GLIS3: variants seen among roughly 807,000 people sequenced by gnomAD.
The protein encoded by GLIS3 is zinc finger protein GLIS3.
GLIS3 carries 53 observed loss-of-function variants against 78.6 expected under a neutral mutation model. The ratio of observed to expected loss-of-function variants is 0.67; its 90% confidence interval spans 0.54 to 0.85. The LOEUF (loss-of-function observed/expected upper bound fraction) is 0.85. Ranked by LOEUF, GLIS3 falls within the 40% of genes least tolerant of loss-of-function variation. The pLI, the probability that GLIS3 is intolerant of heterozygous loss-of-function variation, is 0.00. For missense variants in GLIS3, 1,703 were observed against 1,231.1 expected (o/e 1.38, Z -5.74); for synonymous variants, 684 against 509.9 (o/e 1.34, Z -4.60).
At chr9:4,444,012 G>A in the GLIS3 span, among the ~76,000 whole-genome samples, 2 of 152,174 alleles carry the variant, frequency 1.3e-5, no homozygotes, top group Non-Finnish European at 2.9e-5. Context: ...TGTGTAATGT[G>A]TTGATGATTC....
At chr9:4,381,836 C>G in the GLIS3 span, among the ~76,000 whole-genome samples, 1 of 152,190 alleles carries the variant, frequency 6.6e-6, no homozygotes, top group Admixed American at 6.5e-5. Context: ...TTCTTATACT[C>G]TCTTTGTTTC....
At chr9:4,204,237 A>G (rs537356569) in intron 2 of GLIS3, among the ~76,000 whole-genome samples, 1 of 152,228 alleles carries the variant, frequency 6.6e-6, no homozygotes, top group African/African-American at 2.4e-5. Context: ...ATTGAAGATA[A>G]TATGTAAAAA....
At position 3,898,683 on chromosome 9, in the gene GLIS3, G is replaced by C; in HGVS notation, c.2128+8C>G. 1.2e-6 allele frequency: 2 copies of C among 1,614,090 alleles called. No homozygotes were observed. Among genetic ancestry groups the C allele is most frequent in the Non-Finnish European group, 1.7e-6 (2 of 1,180,016 alleles). On this transcript the variant is annotated splice_region_variant and intron_variant, in intron 7 of 10. Transcript: ENST00000381971. ...AGTTGTGGTTGGCTCTGCCTTTGCT[G>C]TCTTTACCTGAATAGAGGTCAGGCC...
chr9:4,060,048 C>T (rs1185292991), intron 4 of GLIS3, among the ~76,000 whole-genome samples: 2 of 152,020 alleles, frequency 1.3e-5, no homozygotes, highest in African/African-American at 2.4e-5. Context: ...TCCTGGAACC[C>T]AAGGTTCCTG....
intron 4 of GLIS3, among the ~76,000 whole-genome samples, chr9:3,978,527 T>A (rs1204301911): frequency 1.3e-5 from 2 of 152,136 alleles, no homozygotes; most frequent in Non-Finnish European, 2.9e-5. Context: ...AATTATATAC[T>A]ATTGCATTGT....
chr9:3,994,051 C>T (rs1398030163), intron 4 of GLIS3, among the ~76,000 whole-genome samples: 1 of 152,196 alleles, frequency 6.6e-6, no homozygotes, highest in Admixed American at 6.5e-5. Flanking sequence ...AGTTTGCTGA[C>T]TGAGAAGGTC....
At chr9:3,841,047 C>G (rs922366802) in intron 9 of GLIS3, among the ~76,000 whole-genome samples, 1 of 151,986 alleles carries the variant, frequency 6.6e-6, no homozygotes, top group Non-Finnish European at 1.5e-5. Context: ...TGGCTAAAAG[C>G]GACAATAGGG....
chr9:4,432,256 T>A, the GLIS3 span, among the ~76,000 whole-genome samples: 5 of 152,348 alleles, frequency 3.3e-5, no homozygotes, highest in South Asian at 1.0e-3. Flanking sequence ...CATTTTTAAA[T>A]GATAAAGTAC....
At chr9:4,037,547 A>AACACACACACACACACACACACAC (rs56254712) in intron 4 of GLIS3, among the ~76,000 whole-genome samples, 46 of 147,484 alleles carry the variant, frequency 3.1e-4, no homozygotes, top group African/African-American at 1.1e-3. Flanking sequence ...GTGTGCACAC[A>AACACACACACACACACACACACAC]ACACACACAC....
chr9:4,024,625 G>A lies in GLIS3; in HGVS notation c.1711-87436C>T, dbSNP rs572259784. Among the ~76,000 whole-genome samples, 7 of 152,292 alleles carry A rather than the reference G, an allele frequency of 4.6e-5. No individual in the cohort carries two copies. The South Asian group carries it at 1.5e-3, about 32-fold the overall frequency. ...TAGATAGGTTGCCTCGCATAACATAGGGAGTGCATGGGAGGAGGTCTGCTC... is the reference window on the plus strand; with the variant it reads ...TAGATAGGTTGCCTCGCATAACATAAGGAGTGCATGGGAGGAGGTCTGCTC... On this transcript the variant is annotated intron_variant, in intron 4 of 10. Transcript: ENST00000381971.
intron 4 of GLIS3, among the ~76,000 whole-genome samples, chr9:3,994,323 G>A (rs369119187): frequency 3.2e-4 from 49 of 152,138 alleles, no homozygotes; most frequent in African/African-American, 1.2e-3. Flanking sequence ...GGCCTGGAAC[G>A]GGCACAGCTG....
chr9:4,355,063 G>A, the GLIS3 span, among the ~76,000 whole-genome samples: 17 of 150,286 alleles, frequency 1.1e-4, no homozygotes, highest in East Asian at 5.9e-4. Context: ...CCCGGGAGGC[G>A]GAGGTTGCAG....
In GLIS3 at chr9:3,898,719, G is replaced by T; in HGVS notation, c.2100C>A (p.Ser700=). Residue 700 remains serine (S), a synonymous_variant, in exon 7 of 11, where the codon TCC becomes TCA. Transcript: ENST00000381971. ...AATAGAGGTCAGGCCCGGGTCCAGG[G>T]GAGCGTCCCACGGTCCCTTCAGCAG... The part of the protein sequence containing the change: ...DAAAEGTVGR[S]PGPGPDLYSA... 9.3e-6 allele frequency: 15 copies of T among 1,614,144 alleles called. No individual in the cohort carries two copies. Among genetic ancestry groups the T allele is most frequent in the Non-Finnish European group, 1.3e-5 (15 of 1,180,016 alleles).
the GLIS3 span, among the ~76,000 whole-genome samples, chr9:4,397,253 C>A: frequency 1.4e-5 from 2 of 147,822 alleles, no homozygotes; most frequent in African/African-American, 2.5e-5. Flanking sequence ...TCTCGATCTC[C>A]TGACCTCGTG....
At chr9:4,264,904 C>T (rs1294862524) in intron 2 of GLIS3, among the ~76,000 whole-genome samples, 4 of 152,046 alleles carry the variant, frequency 2.6e-5, no homozygotes, top group Non-Finnish European at 5.9e-5. Context: ...CAGTGGCTCA[C>T]GCCTGTAATC....
intron 4 of GLIS3, among the ~76,000 whole-genome samples, chr9:4,002,575 C>T (rs1821195963): frequency 6.6e-6 from 1 of 152,142 alleles, no homozygotes; most frequent in Admixed American, 6.5e-5. Context: ...TTGTATTAAC[C>T]TGATACTTGT....
At chr9:4,306,902 G>T (rs1817239909) in intron 4 of GLIS3, among the ~76,000 whole-genome samples, 1 of 152,224 alleles carries the variant, frequency 6.6e-6, no homozygotes, top group African/African-American at 2.4e-5. Flanking sequence ...GGGCCCAACA[G>T]TTAGACAATT....
chr9:4,283,951 T>C (rs1269842161), intron 2 of GLIS3, among the ~76,000 whole-genome samples: 1 of 152,216 alleles, frequency 6.6e-6, no homozygotes, highest in Non-Finnish European at 1.5e-5. Flanking sequence ...GCTAGGAAGC[T>C]GAGCAAGGAA....
intron 4 of GLIS3, among the ~76,000 whole-genome samples, chr9:4,027,238 G>A (rs889533258): frequency 6.6e-6 from 1 of 152,178 alleles, no homozygotes; most frequent in Admixed American, 6.5e-5. Flanking sequence ...CCATTTCAGC[G>A]TCACTACAAT....
Sources: allele counts gnomAD v4.1 joint callset (sites outside exome capture counted in the v4.1 genomes callset), GRCh38; gene constraint gnomAD v4.1.1; transcripts MANE v1.5; gene names NCBI Gene and HGNC (gene_info 2026-07-23, HGNC 2026-07-21).